Variants in PRMT7 observed in about 807,000 individuals in gnomAD.
PRMT7 encodes protein arginine N-methyltransferase 7.
A neutral mutation model predicts 85.4 loss-of-function variants in PRMT7; 75 were observed. The ratio of observed to expected loss-of-function variants is 0.88; its 90% CI spans 0.73 to 1.06. The LOEUF is 1.06. Ranked by LOEUF, PRMT7 falls within the 50% of genes least tolerant of loss-of-function variation. The probability of loss-of-function intolerance (pLI) is 0.00; values close to 1 mark genes in which losing one functional copy is unlikely to be tolerated. For missense variants in PRMT7, 868 were observed against 915.2 expected (o/e 0.95, Z 0.67); for synonymous variants, 397 against 359.5 (o/e 1.10, Z -1.18).
At chr16:68,354,468 C>T (rs561055259) in intron 16 of PRMT7, 1 of 152,390 alleles carries the variant, frequency 6.6e-6, no homozygotes, top group African/African-American at 2.4e-5. Context: ...GGCTTTTCTG[C>T]TTCTGCTCAC....
intron 14 of PRMT7, chr16:68,351,851 A>G (rs980100609): frequency 6.2e-6 from 1 of 162,398 alleles, no homozygotes; most frequent in Non-Finnish European, 1.3e-5. Flanking sequence ...GGGGGTTGAC[A>G]GGATGCCACT....
intron 9 of PRMT7, among the ~76,000 whole-genome samples, chr16:68,342,684 G>A (rs560701561): frequency 7.2e-5 from 11 of 152,302 alleles, no homozygotes; most frequent in South Asian, 2.1e-4. Context: ...GTCAATCAGC[G>A]TACCCATACC....
rs2044592169 is a variant in PRMT7 at position 68,315,393 on chromosome 16, A to G, written c.-83-504A>G. 1.9e-5 allele frequency: 3 copies of G among 154,500 alleles called. 1 individual carries two copies. The highest frequency in any genetic ancestry group is 4.3e-5 in the Non-Finnish European group (3 of 69,742). 9.6% of individuals were successfully genotyped at this position (154,500 alleles called of 1,614,324 possible). ...ATTTGCTGTTTTTGCTCATCATTAT[A>G]TTCCTGGGATTATCCATTTTTAGGT... On this transcript the variant is annotated intron_variant, in intron 2 of 18. Transcript: ENST00000441236.
chr16:68,353,422 C>G, intron 15 of PRMT7, 70 bp from the exon 16 acceptor site: 1 of 1,603,172 alleles, frequency 6.2e-7, no homozygotes, highest in Non-Finnish European at 8.5e-7. Flanking sequence ...AGATGTGCCT[C>G]TTGTTCTTGC....
At chr16:68,321,299 C>A in intron 3 of PRMT7, 127 bp from the exon 4 acceptor site, 1 of 697,358 alleles carries the variant, frequency 1.4e-6, no homozygotes, top group Non-Finnish European at 2.3e-6. Context: ...AGATAAAAGA[C>A]AACCAAAAAA....
chr16:68,331,134 C>T (rs2083832675), intron 6 of PRMT7, among the ~76,000 whole-genome samples: 1 of 152,186 alleles, frequency 6.6e-6, no homozygotes, highest in African/African-American at 2.4e-5. Flanking sequence ...CCTAGGCACC[C>T]ACTCATAGAC....
chr16:68,352,121 GGAGGGA>G (rs1396813734), intron 14 of PRMT7, 121 bp from the exon 15 acceptor site: 8 of 950,906 alleles, frequency 8.4e-6, no homozygotes, highest in Middle Eastern at 6.8e-4. Flanking sequence ...ACTGAGTGAG[GGAGGGA>G]GAGGGAGGGA....
Position 68,324,684 on chromosome 16 carries a change from A to G in PRMT7, c.134A>G (p.Asn45Ser). Residue 45 changes from asparagine to serine, a missense_variant and splice_region_variant, in exon 5 of 19, where the codon AAT (asparagine) becomes AGT (serine). Coordinates refer to ENST00000441236, the MANE Select transcript of PRMT7 (RefSeq NM_019023.5). ...AAGTGACGGCCATGTCTTCCTTAGAATGTAAAATACTACCAAGGTATCCGG... is the reference window on the plus strand; with the variant it reads ...AAGTGACGGCCATGTCTTCCTTAGAGTGTAAAATACTACCAAGGTATCCGG... Reference protein sequence around the residue: ...YADMLHDKDRNVKYYQGIRAA... With the variant: ...YADMLHDKDRSVKYYQGIRAA... The G allele has an allele frequency of 5.0e-6, 8 of 1,614,204 alleles. No individual in the cohort carries two copies. The highest frequency in any genetic ancestry group is 5.9e-6 in the Non-Finnish European group (7 of 1,179,988).
chr16:68,329,355 A>T, intron 6 of PRMT7, 181 bp downstream of exon 6: 1 of 502,308 alleles, frequency 2.0e-6, no homozygotes, highest in Non-Finnish European at 3.6e-6. Flanking sequence ...AGTTAAAACT[A>T]GTCAACAAGG....
chr16:68,318,373 G>T (rs1453897818), intron 3 of PRMT7, among the ~76,000 whole-genome samples: 1 of 151,704 alleles, frequency 6.6e-6, no homozygotes, highest in African/African-American at 2.4e-5. Flanking sequence ...CTAATTTTTT[G>T]TATTTTTAAT....
chr16:68,320,246 G>A lies in PRMT7; in HGVS notation c.96-1180G>A, dbSNP rs571963406. 3.0e-4 allele frequency among the ~76,000 whole-genome samples: 45 copies of A among 152,306 alleles called. 1 individual carries two copies. The South Asian group carries it at 8.1e-3, about 27-fold the overall frequency. ...AATTACTGTGACAGGGCTAACTGCCGAGACCAGCTCGGTCGTGGAGACCCT... is the reference window on the plus strand; with the variant it reads ...AATTACTGTGACAGGGCTAACTGCCAAGACCAGCTCGGTCGTGGAGACCCT... On this transcript the variant is annotated intron_variant, in intron 3 of 18. Coordinates refer to ENST00000441236, the MANE Select transcript of PRMT7 (RefSeq NM_019023.5).
Position 68,315,995 on chromosome 16 carries a change from A to G in PRMT7, c.16A>G (p.Ser6Gly), listed in dbSNP as rs1487032372. ...AGTGGGCACCATGAAGATCTTCTGC[A>G]GTCGGGCCAATCCGACCACGGGGTC... MKIFC[S>G]RANPTTGSVE... Residue 6 changes from serine to glycine, a missense_variant, in exon 3 of 19, where the codon AGT becomes GGT. Transcript: ENST00000441236. The G allele has an allele frequency of 6.2e-7, 1 of 1,613,674 alleles. No individual in the cohort carries two copies.
intron 5 of PRMT7, among the ~76,000 whole-genome samples, chr16:68,328,833 GCCT>G (rs1244050474): frequency 6.6e-6 from 1 of 152,150 alleles, no homozygotes; most frequent in Non-Finnish European, 1.5e-5. Flanking sequence ...AAGTAGTGCA[GCCT>G]CCTCAGGATC....
intron 2 of PRMT7, among the ~76,000 whole-genome samples, chr16:68,314,356 G>A (rs1055908472): frequency 2.6e-5 from 4 of 152,174 alleles, no homozygotes; most frequent in Non-Finnish European, 4.4e-5. Context: ...TCAGCCTCCT[G>A]AGTAGCTGGG....
chr16:68,352,117 TGAGGGAGGGA>T (rs1669927913), intron 14 of PRMT7, 121 bp from the exon 15 acceptor site: 2 of 899,410 alleles, frequency 2.2e-6, no homozygotes, highest in Non-Finnish European at 3.4e-6. Flanking sequence ...AGTGACTGAG[TGAGGGAGGGA>T]GAGGGAGGGA....
intron 7 of PRMT7, among the ~76,000 whole-genome samples, chr16:68,338,517 AGT>A (rs1726920610): frequency 6.6e-6 from 1 of 151,606 alleles, no homozygotes; most frequent in African/African-American, 2.4e-5. Context: ...CACTGTGGAG[AGT>A]GTGGAGGGAG....
intron 3 of PRMT7, among the ~76,000 whole-genome samples, chr16:68,320,246 G>T (rs571963406): frequency 5.3e-5 from 8 of 152,190 alleles, no homozygotes; most frequent in Admixed American, 5.2e-4. Context: ...GCTAACTGCC[G>T]AGACCAGCTC....
chr16:68,321,512 T>C, intron 4 of PRMT7, 50 bp downstream of exon 4: 2 of 1,525,908 alleles, frequency 1.3e-6, no homozygotes, highest in Non-Finnish European at 9.0e-7. Flanking sequence ...TTTGAAGTCT[T>C]GGATTACAAG....
chr16:68,340,086 A>C (rs2085283725), intron 9 of PRMT7, 118 bp downstream of exon 9: 2 of 1,156,918 alleles, frequency 1.7e-6, no homozygotes, highest in Admixed American at 6.0e-5. Context: ...GCTGTGTCAG[A>C]ATCAAAGACA....
Sources: gnomAD v4.1 joint callset for allele counts (sites outside exome capture counted in the v4.1 genomes callset) on GRCh38, gnomAD v4.1.1 for gene constraint, MANE v1.5 for transcripts, NCBI Gene and HGNC (gene_info 2026-07-23, HGNC 2026-07-21) for gene names.